Variants in SRGAP1 observed in about 807,000 individuals in gnomAD.
SRGAP1 encodes the protein SLIT-ROBO Rho GTPase activating protein 1, also known as SLIT-ROBO Rho GTPase-activating protein 1.
In SRGAP1, 43 loss-of-function variants were observed where a neutral mutation model predicts 121.9. The observed-to-expected ratio is 0.35, with a 90% CI of 0.28 to 0.46. The LOEUF (loss-of-function observed/expected upper bound fraction) is 0.46. SRGAP1 is among the 20% of genes least tolerant of loss of function. SRGAP1 has a pLI of 1.00. For missense variants in SRGAP1, 1,102 were observed against 1,350.9 expected, an observed-to-expected ratio of 0.82 and a Z score of 2.89; for synonymous variants, 447 against 485.4, an observed-to-expected ratio of 0.92 and a Z score of 1.04.
intron 3 of SRGAP1, among the ~76,000 whole-genome samples, chr12:64,013,641 A>G (rs987814499): frequency 5.3e-5 from 8 of 152,172 alleles, no homozygotes; most frequent in African/African-American, 1.9e-4. Context: ...CTGCTCCTCT[A>G]GGGCCTCTTT....
At chr12:63,913,444 A>G (rs1027029427) in intron 1 of SRGAP1, among the ~76,000 whole-genome samples, 4 of 109,186 alleles carry the variant, frequency 3.7e-5, no homozygotes, top group Admixed American at 9.5e-5. Flanking sequence ...GGCATGTGTC[A>G]CTGTGTCCAC....
Position 64,161,949 on chromosome 12 carries a change from T to G in SRGAP1, c.*19277T>G, listed in dbSNP as rs971158497. The G allele has an allele frequency of 1.3e-5, 2 of 152,134 alleles. No individual in the cohort carries two copies. Among genetic ancestry groups the G allele is most frequent in the African/African-American group, 4.8e-5 (2 of 41,438 alleles). 9.4% of individuals were successfully genotyped at this position (152,134 alleles called of 1,614,324 possible). ...TGGGTAAACTGAAAACATTATTACG[T>G]GAAATAAGCCAGTCATAAACCACAT... On this transcript the variant is annotated 3_prime_UTR_variant, in exon 22 of 22. Coordinates refer to ENST00000355086, the MANE Select transcript of SRGAP1 (RefSeq NM_020762.4).
At chr12:64,007,780 A>G (rs573540215) in intron 3 of SRGAP1, among the ~76,000 whole-genome samples, 3 of 152,302 alleles carry the variant, frequency 2.0e-5, no homozygotes, top group East Asian at 1.9e-4. Flanking sequence ...CAGCAAGGCT[A>G]TCTCACATCT....
intron 1 of SRGAP1, among the ~76,000 whole-genome samples, chr12:63,930,491 G>A (rs937577681): frequency 6.6e-5 from 10 of 152,012 alleles, no homozygotes; most frequent in African/African-American, 2.4e-4. Context: ...AGATGGCAAC[G>A]CTACACCAAA....
intron 1 of SRGAP1, among the ~76,000 whole-genome samples, chr12:63,942,734 A>G (rs2031910559): frequency 6.6e-6 from 1 of 152,068 alleles, no homozygotes; most frequent in Admixed American, 6.6e-5. Context: ...CCTGTCCTCT[A>G]TCCTACTCCT....
At chr12:63,887,137 G>A (rs1425057217) in intron 1 of SRGAP1, among the ~76,000 whole-genome samples, 6 of 151,736 alleles carry the variant, frequency 4.0e-5, no homozygotes, top group Non-Finnish European at 7.4e-5. Flanking sequence ...GCCTCCCAAA[G>A]TGCTGGGATT....
chr12:64,095,730 A>C (rs1269105886), intron 14 of SRGAP1, among the ~76,000 whole-genome samples: 1 of 151,926 alleles, frequency 6.6e-6, no homozygotes, highest in Admixed American at 6.6e-5. Flanking sequence ...TTTTTCCCTT[A>C]ATTTTTTATT....
rs562404346 is a variant in SRGAP1 at position 64,093,653 on chromosome 12, C to T, written c.1540-1279C>T. On this transcript the variant is annotated intron_variant, in intron 12 of 21. Coordinates refer to ENST00000355086, the MANE Select transcript of SRGAP1 (RefSeq NM_020762.4). ...TTATGATGTAATTACATTGCTGTTC[C>T]TGAGCCAACTAGTCCACACTAAAAT... 1.3e-4 allele frequency among the ~76,000 whole-genome samples: 20 copies of T among 152,172 alleles called. No individual in the cohort carries two copies. In the East Asian group the frequency reaches 2.9e-3, roughly 22 times the overall value.
chr12:64,058,643 C>G (rs1048206589), intron 6 of SRGAP1, among the ~76,000 whole-genome samples: 2 of 151,976 alleles, frequency 1.3e-5, no homozygotes, highest in Non-Finnish European at 2.9e-5. Context: ...GTATTGGTTT[C>G]TTATGTATTT....
At chr12:63,966,967 T>A (rs2136386838) in intron 1 of SRGAP1, among the ~76,000 whole-genome samples, 1 of 152,366 alleles carries the variant, frequency 6.6e-6, no homozygotes, top group Middle Eastern at 3.4e-3. Context: ...ATTTCCATAT[T>A]CACGTCTCAT....
chr12:63,993,491 G>C (rs78830493), intron 3 of SRGAP1, among the ~76,000 whole-genome samples: 3 of 152,286 alleles, frequency 2.0e-5, no homozygotes, highest in African/African-American at 4.8e-5. Flanking sequence ...TCATTAGTGA[G>C]CATAATGCTT....
Position 64,160,896 on chromosome 12 carries a change from T to A in SRGAP1, c.*18224T>A, listed in dbSNP as rs1196688822. On this transcript the variant is annotated 3_prime_UTR_variant, in exon 22 of 22. Transcript: ENST00000355086. The stretch of plus-strand genomic sequence containing the variant: ...ATTTCCCCTCAGGATTTTGGAGATG[T>A]TGCATCAGTGTTGCTACCGAACATT... 1 of 152,256 alleles carries A rather than the reference T, an allele frequency of 6.6e-6. No individual in the cohort carries two copies. The highest frequency in any genetic ancestry group is 1.5e-5 in the Non-Finnish European group (1 of 68,036). The allele number at this position is 152,256 out of a possible 1,614,324, so 9.4% of individuals were successfully genotyped here.
In SRGAP1 at chr12:64,142,393, G is replaced by T; in HGVS notation, c.2979G>T (p.Leu993=). 1 of 1,614,032 alleles carries T rather than the reference G, an allele frequency of 6.2e-7. No homozygotes were observed. The highest frequency in any genetic ancestry group is 8.5e-7 in the Non-Finnish European group (1 of 1,180,012). The change falls in exon 22 of 22, where the codon CTG becomes CTT. Residue 993 remains leucine, a synonymous_variant. Transcript: ENST00000355086. ...KHAPDVVLDT[L]EQVKNSPTPA... ...CCCCTGATGTGGTGCTGGATACCCT[G>T]GAGCAAGTGAAAAACTCTCCCACCC...
At chr12:63,859,817 A>C (rs1592889925) in intron 1 of SRGAP1, among the ~76,000 whole-genome samples, 1 of 152,270 alleles carries the variant, frequency 6.6e-6, no homozygotes, top group East Asian at 1.9e-4. Context: ...GTTTCTTCTA[A>C]TGTAAGCGTT....
chr12:64,105,076 G>A (rs1472440614), intron 15 of SRGAP1, among the ~76,000 whole-genome samples: 4 of 151,742 alleles, frequency 2.6e-5, no homozygotes, highest in Admixed American at 1.3e-4. Context: ...CTGCACCTCC[G>A]CCCCAGGCCC....
chr12:64,130,729 G>C (rs780653892), intron 21 of SRGAP1, among the ~76,000 whole-genome samples: 3 of 152,242 alleles, frequency 2.0e-5, no homozygotes, highest in Non-Finnish European at 4.4e-5. Context: ...CATAAAGTAA[G>C]TGCCTTGGTC....
At chr12:63,856,493 T>C (rs1185839749) in intron 1 of SRGAP1, among the ~76,000 whole-genome samples, 2 of 152,204 alleles carry the variant, frequency 1.3e-5, no homozygotes, top group East Asian at 1.9e-4. Context: ...TTGTGTGAGC[T>C]AGGAATTTTG....
At chr12:63,969,089 G>T (rs2032864786) in intron 1 of SRGAP1, among the ~76,000 whole-genome samples, 1 of 152,224 alleles carries the variant, frequency 6.6e-6, no homozygotes, top group South Asian at 2.1e-4. Flanking sequence ...AGAGAAGGAA[G>T]ATGGTGTGAA....
intron 8 of SRGAP1, among the ~76,000 whole-genome samples, chr12:64,072,148 G>GTGTGTGTGTGTGTGTGT (rs1555171583): frequency 3.8e-5 from 2 of 52,922 alleles, no homozygotes; most frequent in East Asian, 6.0e-4. Context: ...GTGTGTGTGT[G>GTGTGTGTGTGTGTGTGT]GGCGGCGGGG....
Sources: gnomAD v4.1 joint callset for allele counts (sites outside exome capture counted in the v4.1 genomes callset) on GRCh38, gnomAD v4.1.1 for gene constraint, MANE v1.5 for transcripts, NCBI Gene and HGNC (gene_info 2026-07-23, HGNC 2026-07-21) for gene names.